The following CRACR2A variants were observed in gnomAD, a reference collection of about 807,000 sequenced individuals.
The protein encoded by CRACR2A is EF-hand calcium-binding domain-containing protein 4B.
In CRACR2A, 79 loss-of-function variants were observed where a neutral mutation model predicts 90.5. The ratio of observed to expected loss-of-function variants is 0.87; its 90% CI spans 0.73 to 1.05. CRACR2A has a LOEUF of 1.05. Among genes scored for constraint, CRACR2A ranks in the 50% least tolerant of loss-of-function variants. CRACR2A has a pLI of 0.00. For missense variants in CRACR2A, 823 were observed against 897.2 expected (o/e 0.92, Z 1.06); for synonymous variants, 338 against 356.7 (o/e 0.95, Z 0.59).
At chr12:3,658,356 G>C (rs959061997) in intron 8 of CRACR2A, among the ~76,000 whole-genome samples, 1 of 152,096 alleles carries the variant, frequency 6.6e-6, no homozygotes, top group East Asian at 1.9e-4. Flanking sequence ...GATGTCATTC[G>C]GGATAAAGGG....
intron 14 of CRACR2A, among the ~76,000 whole-genome samples, chr12:3,637,016 CTCG>C (rs1246405558): frequency 6.6e-6 from 1 of 152,208 alleles, no homozygotes; most frequent in African/African-American, 2.4e-5. Flanking sequence ...AGGATGAGGG[CTCG>C]AGGGGCCTAT....
chr12:3,712,748 T>C (rs1204711935), intron 3 of CRACR2A, among the ~76,000 whole-genome samples: 1 of 152,102 alleles, frequency 6.6e-6, no homozygotes, highest in Non-Finnish European at 1.5e-5. Context: ...ACAGCAGATG[T>C]GAAAGTGAAC....
At chr12:3,636,465 C>T (rs1944455834) in intron 14 of CRACR2A, among the ~76,000 whole-genome samples, 1 of 152,232 alleles carries the variant, frequency 6.6e-6, no homozygotes, top group Non-Finnish European at 1.5e-5. Flanking sequence ...CACTGTGGGG[C>T]TGGCCTCTCT....
At chr12:3,621,672 A>AAAAAAAAAAAAAAAAAAAC (rs1565460356) in intron 17 of CRACR2A, among the ~76,000 whole-genome samples, 1 of 145,712 alleles carries the variant, frequency 6.9e-6, no homozygotes, top group African/African-American at 2.5e-5. Context: ...AAAAAAAAAA[A>AAAAAAAAAAAAAAAAAAAC]AAAAAAAAAC....
rs1316345827 is a variant in CRACR2A at position 3,654,311 on chromosome 12, G to A, written c.947C>T (p.Ala316Val). The change falls in exon 10 of 20, where the codon GCC becomes GTC. Residue 316 changes from alanine to valine, a missense_variant. By Grantham distance (64) the Ala-to-Val change is moderately conservative (BLOSUM62 0). Transcript: ENST00000440314. ...TKLKLTNQEL[A>V]RELERTSWEL... is the part of the protein sequence containing the mutation. The stretch of plus-strand genomic sequence containing the variant: ...CCAGGAAGTCCGCTCCAGCTCCCGG[G>A]CCAGCTCCTGGTTAGTGAGTTTCAG... The A allele has an allele frequency of 1.9e-6, 3 of 1,613,886 alleles. No homozygotes were observed. Among genetic ancestry groups the A allele is most frequent in the African/African-American group, 2.7e-5 (2 of 74,896 alleles).
At chr12:3,676,435 T>A (rs1945336824) in intron 6 of CRACR2A, among the ~76,000 whole-genome samples, 1 of 152,202 alleles carries the variant, frequency 6.6e-6, no homozygotes, top group Non-Finnish European at 1.5e-5. Flanking sequence ...AATGTTTATA[T>A]CTCCTACAAA....
At chr12:3,747,674 C>A (rs902278580) in intron 1 of CRACR2A, among the ~76,000 whole-genome samples, 2 of 152,220 alleles carry the variant, frequency 1.3e-5, no homozygotes, top group African/African-American at 4.8e-5. Flanking sequence ...TAGCCAACCT[C>A]CCACGTCCCC....
chr12:3,720,279 GAGAA>G (rs1347934683), intron 2 of CRACR2A, among the ~76,000 whole-genome samples: 1,422 of 134,096 alleles, frequency 0.011, 32 homozygotes, highest in African/African-American at 0.037. Flanking sequence ...GAAAGAGAGA[GAGAA>G]AGAAAGAAAG....
At chr12:3,725,480 G>A (rs1432507552) in intron 2 of CRACR2A, among the ~76,000 whole-genome samples, 1 of 151,980 alleles carries the variant, frequency 6.6e-6, no homozygotes, top group Admixed American at 6.6e-5. Flanking sequence ...GAAGACACTT[G>A]CCACTGAATT....
At chr12:3,634,369 G>T (rs916606803) in intron 14 of CRACR2A, among the ~76,000 whole-genome samples, 13 of 152,150 alleles carry the variant, frequency 8.5e-5, no homozygotes, top group African/African-American at 2.9e-4. Context: ...GAGGCACGAG[G>T]GTCTCCACTT....
chr12:3,713,146 T>C (rs542053502), intron 3 of CRACR2A, 91 bp downstream of exon 3: 15 of 479,272 alleles, frequency 3.1e-5, no homozygotes, highest in African/African-American at 2.5e-4. Context: ...ACAGCTACAA[T>C]AGTGCTAACA....
chr12:3,693,295 C>T (rs1463294965), intron 4 of CRACR2A, among the ~76,000 whole-genome samples: 1 of 152,188 alleles, frequency 6.6e-6, no homozygotes, highest in Non-Finnish European at 1.5e-5. Flanking sequence ...GATGCGGGCC[C>T]CCAGGACACC....
Position 3,679,107 on chromosome 12 carries a change from T to C in CRACR2A, c.341-9A>G. ...GCTGAAGAAGAAGTGACCTGGGGGG[T>C]GCAGGGCACAAGGATCCGAATTAGA... On this transcript the variant is annotated splice_polypyrimidine_tract_variant and intron_variant, in intron 5 of 19. Coordinates refer to ENST00000440314, the MANE Select transcript of CRACR2A (RefSeq NM_001144958.2). 1 of 1,608,310 alleles carries C rather than the reference T, an allele frequency of 6.2e-7. No individual in the cohort carries two copies. The highest frequency in any genetic ancestry group is 8.5e-7 in the Non-Finnish European group (1 of 1,177,690).
rs1350778426 is a variant in CRACR2A, at chr12:3,681,463, C to CCCTTCTGG, written c.229-1122_229-1115dup. ...GCAAAGCAGCTGAGCTGTTGCTGCTCCCTTCTGGCCTTCTGCCCGATGTGC... is the reference window on the plus strand; with the variant it reads ...GCAAAGCAGCTGAGCTGTTGCTGCTCCCTTCTGGCCTTCTGGCCTTCTGCCCGATGTGC... On this transcript the variant is annotated intron_variant, in intron 4 of 19. Transcript: ENST00000440314. 7.9e-5 allele frequency among the ~76,000 whole-genome samples: 12 copies of CCCTTCTGG among 152,344 alleles called. No individual in the cohort carries two copies. The East Asian group carries it at 1.5e-3, about 20-fold the overall frequency.
chr12:3,652,834 TC>T (rs1229446401), intron 10 of CRACR2A, among the ~76,000 whole-genome samples: 1 of 152,302 alleles, frequency 6.6e-6, no homozygotes, highest in East Asian at 1.9e-4. Context: ...TGATAGCAAG[TC>T]CAACTCTTGT....
chr12:3,699,196 T>C (rs963490958), intron 3 of CRACR2A, among the ~76,000 whole-genome samples: 10 of 152,282 alleles, frequency 6.6e-5, no homozygotes, highest in African/African-American at 1.9e-4. Flanking sequence ...TGAGACCCAG[T>C]TGTGGGCTTG....
intron 17 of CRACR2A, among the ~76,000 whole-genome samples, chr12:3,619,623 G>A (rs748562483): frequency 6.6e-6 from 1 of 152,122 alleles, no homozygotes. Context: ...TGCAATGACC[G>A]CTCCCCCTTC....
intron 6 of CRACR2A, 40 bp downstream of exon 6, chr12:3,678,875 C>A (rs1345855672): frequency 1.3e-6 from 2 of 1,561,994 alleles, no homozygotes; most frequent in South Asian, 1.2e-5. Context: ...AGGTTCCTAC[C>A]AGGCTGGTCT....
At chr12:3,750,310 C>A (rs1276683571) in intron 1 of CRACR2A, among the ~76,000 whole-genome samples, 1 of 152,136 alleles carries the variant, frequency 6.6e-6, no homozygotes, top group East Asian at 1.9e-4. Context: ...GTGCAGAAAG[C>A]AAAACCTCTG....
Sources: allele counts gnomAD v4.1 joint callset (sites outside exome capture counted in the v4.1 genomes callset), GRCh38; gene constraint gnomAD v4.1.1; transcripts MANE v1.5; gene names NCBI Gene and HGNC (gene_info 2026-07-23, HGNC 2026-07-21).